GALNTL6: variants seen among roughly 807,000 people sequenced by gnomAD.
GALNTL6 encodes the protein polypeptide N-acetylgalactosaminyltransferase-like 6.
In GALNTL6, 46 loss-of-function variants were observed where a neutral mutation model predicts 73.7. The observed-to-expected ratio is 0.62, with a 90% CI of 0.49 to 0.80. GALNTL6 has a LOEUF of 0.80. Among genes scored for constraint, GALNTL6 ranks in the 30% least tolerant of loss-of-function variants. The pLI, the probability that GALNTL6 is intolerant of heterozygous loss-of-function variation, is 0.00. For synonymous variants in GALNTL6, 259 were observed against 263.7 expected, an observed-to-expected ratio of 0.98 and a Z score of 0.17; for missense variants, 604 against 755.0, an observed-to-expected ratio of 0.80 and a Z score of 2.34.
At chr4:172,902,409 C>T (rs895252421) in intron 8 of GALNTL6, among the ~76,000 whole-genome samples, 38 of 152,170 alleles carry the variant, frequency 2.5e-4, no homozygotes, top group African/African-American at 7.7e-4. Flanking sequence ...GGACTCTGCT[C>T]TGCAGAATCT....
rs914364827 is a variant in GALNTL6, at chr4:171,988,856, G to T, written c.138+174138G>T. Among the ~76,000 whole-genome samples, 2 of 152,080 alleles carry T rather than the reference G, an allele frequency of 1.3e-5. 1 individual carries two copies. Among genetic ancestry groups the T allele is most frequent in the South Asian group, 4.1e-4 (2 of 4,826 alleles). Reference sequence around the variant, plus strand: ...GATCGGTCGCTAAGGAGGGAGTAGAGGTGTCTTATACTTGTGGCTTAAGGT... The same window carrying T: ...GATCGGTCGCTAAGGAGGGAGTAGATGTGTCTTATACTTGTGGCTTAAGGT... On this transcript the variant is annotated intron_variant, in intron 2 of 12. Coordinates refer to ENST00000506823, the MANE Select transcript of GALNTL6 (RefSeq NM_001034845.3).
intron 2 of GALNTL6, among the ~76,000 whole-genome samples, chr4:172,176,054 T>G (rs1261542906): frequency 6.6e-6 from 1 of 152,146 alleles, no homozygotes; most frequent in African/African-American, 2.4e-5. Context: ...TAAGAGTGTA[T>G]TCAGGCTGGG....
At chr4:172,537,531 G>C (rs1735388241) in intron 5 of GALNTL6, among the ~76,000 whole-genome samples, 1 of 152,220 alleles carries the variant, frequency 6.6e-6, no homozygotes, top group African/African-American at 2.4e-5. Context: ...GCCCAGCCAT[G>C]TAGAACTGTG....
At chr4:172,978,654 C>G (rs890242817) in intron 10 of GALNTL6, among the ~76,000 whole-genome samples, 1 of 152,180 alleles carries the variant, frequency 6.6e-6, no homozygotes, top group African/African-American at 2.4e-5. Flanking sequence ...ATTGAAATAA[C>G]TTCTAAGTTA....
In GALNTL6 at chr4:172,510,979, C is replaced by A. The variant is rs565015725; in HGVS notation, c.553+162290C>A. ...TTCATAGAATGATTTAGGGAGGATT[C>A]CCTCTTTCTCTTATCTTTTGGAATA... On this transcript the variant is annotated intron_variant, in intron 5 of 12. Transcript: ENST00000506823. Among the ~76,000 whole-genome samples, 92 of 54,708 alleles carry A rather than the reference C, an allele frequency of 1.7e-3. 39 individuals are homozygous for A. The highest frequency in any genetic ancestry group is 4.2e-3 in the African/African-American group (92 of 22,074). The allele number at this position is 54,708 out of a possible 152,430, so 35.9% of individuals were successfully genotyped here.
intron 8 of GALNTL6, among the ~76,000 whole-genome samples, chr4:172,909,421 C>T (rs1747082391): frequency 6.6e-6 from 1 of 151,416 alleles, no homozygotes; most frequent in Non-Finnish European, 1.5e-5. Context: ...GCACCTAATA[C>T]CCTTCATAAA....
At chr4:172,319,788 G>C (rs1247576752) in intron 4 of GALNTL6, among the ~76,000 whole-genome samples, 1 of 152,166 alleles carries the variant, frequency 6.6e-6, no homozygotes, top group African/African-American at 2.4e-5. Flanking sequence ...CCCTGGTGAA[G>C]TTGGTGAAAA....
chr4:172,739,842 A>G (rs767368177), intron 5 of GALNTL6, among the ~76,000 whole-genome samples: 1 of 152,096 alleles, frequency 6.6e-6, no homozygotes, highest in East Asian at 1.9e-4. Flanking sequence ...TGCTTGTTAT[A>G]ATAAGCCTCT....
In GALNTL6 at chr4:172,229,868, A is replaced by G. The variant is rs576895562; in HGVS notation, c.247+104A>G. ...GCATTTCTTCTGCACACTGTAAAGT[A>G]TGTTTCATGGGGATATTGGAGGTGA... On this transcript the variant is annotated intron_variant, in intron 3 of 12. Coordinates refer to ENST00000506823, the MANE Select transcript of GALNTL6 (RefSeq NM_001034845.3). 5.8e-6 allele frequency: 4 copies of G among 686,154 alleles called. No homozygotes were observed. In the Admixed American group the frequency reaches 7.7e-5, roughly 13 times the overall value. The allele number at this position is 686,154 out of a possible 1,614,324, so 42.5% of individuals were successfully genotyped here.
chr4:172,258,850 G>T (rs935219301), intron 3 of GALNTL6, among the ~76,000 whole-genome samples: 4 of 151,162 alleles, frequency 2.6e-5, no homozygotes, highest in Non-Finnish European at 4.5e-5. Context: ...TACAACATTT[G>T]ATTTTCCATT....
At chr4:172,730,076 G>T (rs978336669) in intron 5 of GALNTL6, among the ~76,000 whole-genome samples, 1 of 152,074 alleles carries the variant, frequency 6.6e-6, no homozygotes, top group African/African-American at 2.4e-5. Flanking sequence ...TTTATATGTT[G>T]ATTTTGTATC....
intron 2 of GALNTL6, among the ~76,000 whole-genome samples, chr4:172,104,108 T>G (rs574655909): frequency 6.6e-6 from 1 of 152,174 alleles, no homozygotes; most frequent in Non-Finnish European, 1.5e-5. Context: ...CACGCCTGGC[T>G]AATTTTTTTG....
rs535067437 is a variant in GALNTL6 at position 172,809,196 on chromosome 4, T to C, written c.554-165T>C. ...GCAGTTTACAAAGCATTCTGGAAAG[T>C]GTAAAATCTAAAAATCTTACTAGTA... On this transcript the variant is annotated intron_variant, in intron 5 of 12. Coordinates refer to ENST00000506823, the MANE Select transcript of GALNTL6 (RefSeq NM_001034845.3). This position sits in a 1 kb window ranked among gnomAD's most constrained non-coding sequence, Gnocchi z 4.4. Among the ~76,000 whole-genome samples the C allele has an allele frequency of 8.2e-4, 125 of 152,336 alleles. 1 individual carries two copies. The highest frequency in any genetic ancestry group is 2.9e-3 in the African/African-American group (119 of 41,580).
chr4:172,903,745 T>C (rs1217369243), intron 8 of GALNTL6, among the ~76,000 whole-genome samples: 3 of 152,164 alleles, frequency 2.0e-5, no homozygotes, highest in South Asian at 2.1e-4. Context: ...TAAAGACACA[T>C]AAAAGCAATC....
At chr4:172,527,802 T>A (rs1456369885) in intron 5 of GALNTL6, among the ~76,000 whole-genome samples, 1 of 152,176 alleles carries the variant, frequency 6.6e-6, no homozygotes, top group Non-Finnish European at 1.5e-5. Context: ...TTCAGGCTTT[T>A]CCATGAGGTT....
intron 3 of GALNTL6, among the ~76,000 whole-genome samples, chr4:172,306,359 A>C (rs1353493136): frequency 1.3e-5 from 2 of 152,212 alleles, no homozygotes; most frequent in Non-Finnish European, 2.9e-5. Flanking sequence ...ACTGCACTCC[A>C]GTCTGGGTGA....
In GALNTL6 at chr4:172,754,223, G is replaced by GT. The variant is rs1276669617; in HGVS notation, c.554-55137dup. 1.1e-4 allele frequency among the ~76,000 whole-genome samples: 16 copies of GT among 152,178 alleles called. No individual in the cohort carries two copies. In the East Asian group the frequency reaches 3.1e-3, roughly 29 times the overall value. On this transcript the variant is annotated intron_variant, in intron 5 of 12. Transcript: ENST00000506823. ...CTGTGAATCTTCCTTTTCTATTAATGTAAGTAGTATACACACATACATACA... is the reference window on the plus strand; with the variant it reads ...CTGTGAATCTTCCTTTTCTATTAATGTTAAGTAGTATACACACATACATACA...
intron 2 of GALNTL6, among the ~76,000 whole-genome samples, chr4:171,834,811 G>A (rs538279292): frequency 5.3e-5 from 8 of 151,922 alleles, no homozygotes; most frequent in Admixed American, 3.9e-4. Flanking sequence ...TAAAAGACTC[G>A]ACTAGTGGCT....
At chr4:172,724,270 A>T (rs1422754923) in intron 5 of GALNTL6, among the ~76,000 whole-genome samples, 3 of 152,204 alleles carry the variant, frequency 2.0e-5, no homozygotes, top group Non-Finnish European at 2.9e-5. Flanking sequence ...CTTTATTTCA[A>T]GCCATTAGTC....
Sources: allele counts gnomAD v4.1 joint callset (sites outside exome capture counted in the v4.1 genomes callset), GRCh38; gene constraint gnomAD v4.1.1; non-coding constraint Gnocchi (gnomAD v3.1); transcripts MANE v1.5; gene names NCBI Gene and HGNC (gene_info 2026-07-23, HGNC 2026-07-21).